LEPR: variants seen among roughly 807,000 people sequenced by gnomAD.
LEPR encodes leptin receptor.
Under a neutral mutation model 114.7 loss-of-function variants are expected in LEPR, and 56 were observed. The observed-to-expected ratio is 0.49, with a 90% CI of 0.39 to 0.61. The LOEUF (loss-of-function observed/expected upper bound fraction) is 0.61, where lower values mean the gene tolerates loss of function less well. Among genes scored for constraint, LEPR ranks in the 20% least tolerant of loss-of-function variants. The pLI is 0.00. For missense variants in LEPR, 1,202 were observed against 1,352.9 expected (o/e 0.89, Z 1.75); for synonymous variants, 443 against 461.4 (o/e 0.96, Z 0.51).
chr1:65,460,610 C>T (rs867264807), intron 2 of LEPR, among the ~76,000 whole-genome samples: 1 of 152,106 alleles, frequency 6.6e-6, no homozygotes, highest in African/African-American at 2.4e-5. Context: ...AGGGGCCATG[C>T]GCGATGGCTC....
At chr1:65,445,938 T>C (rs981018379) in intron 2 of LEPR, among the ~76,000 whole-genome samples, 3 of 152,216 alleles carry the variant, frequency 2.0e-5, no homozygotes, top group African/African-American at 7.2e-5. Flanking sequence ...AATATTTCTA[T>C]GCTTAATTTT....
intron 2 of LEPR, among the ~76,000 whole-genome samples, chr1:65,529,230 A>T (rs1290673211): frequency 1.3e-5 from 2 of 151,950 alleles, no homozygotes; most frequent in African/African-American, 4.8e-5. Flanking sequence ...TTTTTGAAAG[A>T]GTTATCTCGG....
chr1:65,434,820 A>G, intron 2 of LEPR: 2 of 985,478 alleles, frequency 2.0e-6, no homozygotes, highest in Non-Finnish European at 2.4e-6. Flanking sequence ...TTCATATTCC[A>G]GAGTCACCCA....
intron 2 of LEPR, among the ~76,000 whole-genome samples, chr1:65,471,039 G>A (rs1326388857): frequency 6.6e-6 from 1 of 152,224 alleles, no homozygotes; most frequent in East Asian, 1.9e-4. Flanking sequence ...GTATGTGGCA[G>A]TAAAGAAAGA....
At chr1:65,515,356 C>T (rs1048559679) in intron 2 of LEPR, among the ~76,000 whole-genome samples, 5 of 152,216 alleles carry the variant, frequency 3.3e-5, no homozygotes, top group Non-Finnish European at 2.9e-5. Context: ...TGAGCAAGTC[C>T]GTAAAATGGT....
At chr1:65,434,465 A>C (rs747642376) in intron 2 of LEPR, 833 of 985,282 alleles carry the variant, frequency 8.5e-4, no homozygotes, top group Non-Finnish European at 9.8e-4. Flanking sequence ...GTGGGTTACA[A>C]GCAGACTTTG....
intron 14 of LEPR, among the ~76,000 whole-genome samples, chr1:65,611,115 T>A (rs558998971): frequency 4.3e-4 from 66 of 152,352 alleles, no homozygotes; most frequent in African/African-American, 1.4e-3. Context: ...CTTAAAATAA[T>A]TTTTTATTCT....
At chr1:65,498,731 T>A (rs1036820526) in intron 2 of LEPR, among the ~76,000 whole-genome samples, 14 of 152,174 alleles carry the variant, frequency 9.2e-5, no homozygotes, top group African/African-American at 2.2e-4. Context: ...TGGAAGCCAG[T>A]TACCTTGCAA....
At chr1:65,441,637 T>G (rs555837654) in intron 2 of LEPR, among the ~76,000 whole-genome samples, 1 of 152,000 alleles carries the variant, frequency 6.6e-6, no homozygotes, top group African/African-American at 2.4e-5. Flanking sequence ...TTTTAGATAA[T>G]AAAGTGAGGA....
chr1:65,609,660 G>T (rs1051202461), intron 12 of LEPR, among the ~76,000 whole-genome samples: 2 of 152,210 alleles, frequency 1.3e-5, no homozygotes, highest in African/African-American at 4.8e-5. Context: ...TTAGTGGACA[G>T]GGATTAGTAG....
chr1:65,504,774 A>G (rs942023669), intron 2 of LEPR, among the ~76,000 whole-genome samples: 33 of 152,208 alleles, frequency 2.2e-4, no homozygotes, highest in African/African-American at 7.5e-4. Context: ...TTATGTACCA[A>G]TATTGGTTCA....
rs377636057 is a variant in LEPR at position 65,602,015 on chromosome 1, T to G, written c.1403+55T>G. On this transcript the variant is annotated intron_variant, in intron 10 of 19. Transcript: ENST00000349533. ...CTGTGGGCACAGTGAGATAAAAATT[T>G]TCTTTAGAAATATTACAACAGTAGT... The G allele has an allele frequency of 2.6e-5, 37 of 1,448,400 alleles. No homozygotes were observed. The East Asian group carries it at 3.6e-4, about 14-fold the overall frequency. The allele number at this position is 1,448,400 out of a possible 1,614,324, so 89.7% of individuals were successfully genotyped here.
chr1:65,463,298 G>T (rs1363477574), intron 2 of LEPR, among the ~76,000 whole-genome samples: 6 of 152,110 alleles, frequency 3.9e-5, no homozygotes, highest in African/African-American at 7.2e-5. Context: ...CCCATTGCTT[G>T]TTTGTGTCAG....
intron 2 of LEPR, among the ~76,000 whole-genome samples, chr1:65,467,358 G>A (rs577983363): frequency 1.3e-5 from 2 of 152,270 alleles, no homozygotes; most frequent in South Asian, 2.1e-4. Context: ...TATCACCAGT[G>A]GAGGCTGCAG....
At chr1:65,544,593 T>C (rs1383412524) in intron 2 of LEPR, among the ~76,000 whole-genome samples, 1 of 151,920 alleles carries the variant, frequency 6.6e-6, no homozygotes, top group African/African-American at 2.4e-5. Flanking sequence ...ATAGCTCTTA[T>C]TATTTTTAGA....
intron 2 of LEPR, among the ~76,000 whole-genome samples, chr1:65,551,723 T>G (rs1331024863): frequency 6.6e-6 from 1 of 152,190 alleles, no homozygotes; most frequent in Non-Finnish European, 1.5e-5. Flanking sequence ...TGCCCTGATC[T>G]TAGTTATTTC....
At chr1:65,620,272 T>G (rs548597596) in intron 17 of LEPR, among the ~76,000 whole-genome samples, 1 of 152,316 alleles carries the variant, frequency 6.6e-6, no homozygotes, top group South Asian at 2.1e-4. Flanking sequence ...AATACCAACA[T>G]TTTGATTTTG....
At chr1:65,607,741 T>C (rs1336772760) in intron 11 of LEPR, among the ~76,000 whole-genome samples, 1 of 152,184 alleles carries the variant, frequency 6.6e-6, no homozygotes, top group Non-Finnish European at 1.5e-5. Flanking sequence ...ATATTGCCTG[T>C]TATTGTCAGG....
At chr1:65,634,420 T>C (rs1570869059) in intron 19 of LEPR, 4 of 970,042 alleles carry the variant, frequency 4.1e-6, no homozygotes, top group Non-Finnish European at 3.7e-6. Flanking sequence ...ATATTTAATA[T>C]GTGCCCAGAT....
Sources: allele counts gnomAD v4.1 joint callset (sites outside exome capture counted in the v4.1 genomes callset), GRCh38; gene constraint gnomAD v4.1.1; transcripts MANE v1.5; gene names NCBI Gene and HGNC (gene_info 2026-07-23, HGNC 2026-07-21).